SEMA6D: variants seen among roughly 807,000 people sequenced by gnomAD.
SEMA6D encodes semaphorin-6D.
SEMA6D carries 35 observed loss-of-function variants against 106.6 expected under a neutral mutation model. That is an observed-to-expected ratio of 0.33 (90% confidence interval 0.25 to 0.44). SEMA6D has a LOEUF of 0.44. Ranked by LOEUF, SEMA6D falls within the 20% of genes least tolerant of loss-of-function variation. The probability of loss-of-function intolerance (pLI) is 1.00; values close to 1 mark genes in which losing one functional copy is unlikely to be tolerated. For synonymous variants in SEMA6D, 499 were observed against 487.7 expected (o/e 1.02, Z -0.31); for missense variants, 1,185 against 1,345.9 (o/e 0.88, Z 1.87).
chr15:47,727,853 G>A (rs1372900297), intron 1 of SEMA6D, among the ~76,000 whole-genome samples: 1 of 152,210 alleles, frequency 6.6e-6, no homozygotes, highest in Non-Finnish European at 1.5e-5. Context: ...CAGGGCATAA[G>A]GTGATTGCCT....
chr15:47,745,423 G>A (rs1176953562), intron 1 of SEMA6D, among the ~76,000 whole-genome samples: 1 of 152,260 alleles, frequency 6.6e-6, no homozygotes, highest in Non-Finnish European at 1.5e-5. Context: ...TACCTGGGCA[G>A]CCTGGCTCCA....
chr15:47,295,549 A>G (rs1468894810), intron 1 of SEMA6D, among the ~76,000 whole-genome samples: 1 of 152,236 alleles, frequency 6.6e-6, no homozygotes, highest in East Asian at 1.9e-4. Context: ...AGACCTATCC[A>G]GAGAAATAAC....
At chr15:47,652,955 A>G (rs957246375) in intron 4 of SEMA6D, among the ~76,000 whole-genome samples, 5 of 152,190 alleles carry the variant, frequency 3.3e-5, no homozygotes, top group Admixed American at 6.5e-5. Context: ...AGATTATATA[A>G]ATTTTGAAAC....
intron 1 of SEMA6D, among the ~76,000 whole-genome samples, chr15:47,292,502 GA>G (rs1437237523): frequency 4.6e-5 from 7 of 151,968 alleles, no homozygotes; most frequent in African/African-American, 7.3e-5. Context: ...TCAAACAGAT[GA>G]GTTTTTAAAA....
In SEMA6D at chr15:47,354,318, T is replaced by TAC. The variant is rs568128158; in HGVS notation, c.-238-58069_-238-58068dup. 5.2e-3 allele frequency among the ~76,000 whole-genome samples: 761 copies of TAC among 146,840 alleles called. 13 individuals are homozygous for TAC. The highest frequency in any genetic ancestry group is 0.017 in the African/African-American group (701 of 40,116). On this transcript the variant is annotated intron_variant, in intron 1 of 19. Transcript: ENST00000558014. ...GAGAGAGAGCTTATATATATATATA[T>TAC]ACACACATGCATATATATGGAATGA... is the stretch of plus-strand genomic sequence containing the variant.
At chr15:47,451,170 G>A (rs1029320328) in intron 2 of SEMA6D, among the ~76,000 whole-genome samples, 3 of 152,008 alleles carry the variant, frequency 2.0e-5, no homozygotes, top group Non-Finnish European at 2.9e-5. Flanking sequence ...GTGAAAGAAG[G>A]TGCAGAAAAC....
chr15:47,216,051 A>G (rs1224067266), intron 1 of SEMA6D, among the ~76,000 whole-genome samples: 2 of 152,198 alleles, frequency 1.3e-5, no homozygotes, highest in Non-Finnish European at 2.9e-5. Flanking sequence ...CTCGGTCTAA[A>G]TTAGTCCTGA....
chr15:47,343,709 A>G lies in SEMA6D; in HGVS notation c.-238-68684A>G, dbSNP rs544337723. ...CTTTGCTATTGTGAATAGTGCCGCA[A>G]TAAACATACGTGTGTGTGTGTCTTT... On this transcript the variant is annotated intron_variant, in intron 1 of 19. Transcript: ENST00000558014. Among the ~76,000 whole-genome samples the G allele has an allele frequency of 2.1e-3, 322 of 152,294 alleles. 1 individual carries two copies. The highest frequency in any genetic ancestry group is 7.5e-3 in the African/African-American group (313 of 41,536).
rs2082203219 is a variant in SEMA6D, at chr15:47,764,042, G to A, written c.940G>A (p.Gly314Arg). The change falls in exon 10 of 19, where the codon GGG (glycine) becomes AGG (arginine). Residue 314 changes from glycine to arginine, a missense_variant. Transcript: ENST00000536845. Reference sequence around the variant, plus strand: ...AATCAATGGCATCCCCACTGTGGTCGGGGTGTTTACCACGCAGCTCAATAG... The same window carrying A: ...AATCAATGGCATCCCCACTGTGGTCAGGGTGTTTACCACGCAGCTCAATAG... ...IQINGIPTVV[G>R]VFTTQLNSIP... The A allele has an allele frequency of 6.2e-7, 1 of 1,613,832 alleles. No homozygotes were observed.
chr15:47,398,269 A>T (rs1260604210), intron 1 of SEMA6D, among the ~76,000 whole-genome samples: 2 of 152,218 alleles, frequency 1.3e-5, no homozygotes. Context: ...ATCCCAAAAT[A>T]GCCTGTTTAA....
intron 1 of SEMA6D, among the ~76,000 whole-genome samples, chr15:47,305,255 G>A (rs2036189720): frequency 6.6e-6 from 1 of 152,138 alleles, no homozygotes; most frequent in Non-Finnish European, 1.5e-5. Context: ...TACTCTCCTT[G>A]GGTTGGTGAC....
At chr15:47,550,349 A>G (rs1284547251) in intron 3 of SEMA6D, among the ~76,000 whole-genome samples, 1 of 152,146 alleles carries the variant, frequency 6.6e-6, no homozygotes, top group Non-Finnish European at 1.5e-5. Flanking sequence ...CAGAAATAAC[A>G]AGGAAGAGGG....
intron 4 of SEMA6D, among the ~76,000 whole-genome samples, chr15:47,634,558 T>A (rs2077347950): frequency 2.0e-5 from 3 of 151,990 alleles, no homozygotes; most frequent in Admixed American, 2.0e-4. Flanking sequence ...TAAGTGGGAG[T>A]GGAGGCTTAG....
intron 1 of SEMA6D, among the ~76,000 whole-genome samples, chr15:47,218,318 A>T (rs2030861151): frequency 6.6e-6 from 1 of 152,002 alleles, no homozygotes; most frequent in South Asian, 2.1e-4. Context: ...CCTGGTCTTC[A>T]TTTGTCTGTC....
At chr15:47,260,776 A>G (rs2034036067) in intron 1 of SEMA6D, among the ~76,000 whole-genome samples, 1 of 152,130 alleles carries the variant, frequency 6.6e-6, no homozygotes, top group Non-Finnish European at 1.5e-5. Context: ...CTGGGAGGGA[A>G]AAATAGTGCT....
At chr15:47,280,124 C>T (rs563712901) in intron 1 of SEMA6D, among the ~76,000 whole-genome samples, 1 of 152,184 alleles carries the variant, frequency 6.6e-6, no homozygotes, top group South Asian at 2.1e-4. Flanking sequence ...CCTTGTACCT[C>T]TGGTAGAATT....
chr15:47,248,909 A>G lies in SEMA6D; in HGVS notation c.-239+64491A>G, dbSNP rs182104614. On this transcript the variant is annotated intron_variant, in intron 1 of 19. Transcript: ENST00000558014. ...TTTATCACATGGACGCTTAATAACA[A>G]TTACCAAGTTCTGAAGCTTCAGTTA... is the stretch of plus-strand genomic sequence containing the variant. Among the ~76,000 whole-genome samples the G allele has an allele frequency of 2.0e-5, 3 of 152,260 alleles. No individual in the cohort carries two copies. In the East Asian group the frequency reaches 5.8e-4, roughly 29 times the overall value.
At chr15:47,344,032 A>T (rs2037940303) in intron 1 of SEMA6D, among the ~76,000 whole-genome samples, 1 of 152,210 alleles carries the variant, frequency 6.6e-6, no homozygotes, top group African/African-American at 2.4e-5. Context: ...CCACAATGAG[A>T]TACCATCTCA....
intron 4 of SEMA6D, among the ~76,000 whole-genome samples, chr15:47,601,369 T>C (rs1343137734): frequency 6.6e-6 from 1 of 152,206 alleles, no homozygotes; most frequent in Non-Finnish European, 1.5e-5. Flanking sequence ...TTAGCCAAGT[T>C]GTGTAACTTT....
Sources: gnomAD v4.1 joint callset for allele counts (sites outside exome capture counted in the v4.1 genomes callset) on GRCh38, gnomAD v4.1.1 for gene constraint, MANE v1.5 for transcripts, NCBI Gene and HGNC (gene_info 2026-07-23, HGNC 2026-07-21) for gene names.